Variants in ADAMTS6 observed in about 807,000 individuals in gnomAD.
ADAMTS6 encodes A disintegrin and metalloproteinase with thrombospondin motifs 6.
In ADAMTS6, 23 loss-of-function variants were observed where a neutral mutation model predicts 144.3. That is an observed-to-expected ratio of 0.16 (90% CI 0.11 to 0.23). The LOEUF (loss-of-function observed/expected upper bound fraction) is 0.23. Among genes scored for constraint, ADAMTS6 ranks in the 10% least tolerant of loss-of-function variants. ADAMTS6 has a pLI of 1.00. For synonymous variants in ADAMTS6, 444 were observed against 457.5 expected, an observed-to-expected ratio of 0.97 and a Z score of 0.38; for missense variants, 999 against 1,379.6, an observed-to-expected ratio of 0.72 and a Z score of 4.37.
At chr5:65,169,226 G>T (rs1753433469) in intron 24 of ADAMTS6, among the ~76,000 whole-genome samples, 1 of 56,600 alleles carries the variant, frequency 1.8e-5, no homozygotes, top group African/African-American at 1.1e-4. Context: ...GTGGGCAAAG[G>T]ACATGAACAG....
intron 7 of ADAMTS6, among the ~76,000 whole-genome samples, chr5:65,429,021 A>C (rs1374972981): frequency 2.0e-5 from 3 of 152,290 alleles, no homozygotes; most frequent in Non-Finnish European, 4.4e-5. Flanking sequence ...AATTGAGAAA[A>C]CTGCAGAAAC....
chr5:65,409,559 TA>T (rs759747598), intron 7 of ADAMTS6, among the ~76,000 whole-genome samples: 103 of 152,282 alleles, frequency 6.8e-4, no homozygotes, highest in Non-Finnish European at 1.0e-3. Flanking sequence ...AGCCGAATTC[TA>T]CCAGAGGTAC....
intron 3 of ADAMTS6, among the ~76,000 whole-genome samples, chr5:65,460,678 G>A (rs972226546): frequency 4.6e-5 from 7 of 152,162 alleles, no homozygotes; most frequent in Admixed American, 4.6e-4. Flanking sequence ...TATGTCCTCT[G>A]TGTTTAGATA....
chr5:65,218,787 T>C (rs911120232), intron 18 of ADAMTS6, among the ~76,000 whole-genome samples: 1 of 152,006 alleles, frequency 6.6e-6, no homozygotes, highest in African/African-American at 2.4e-5. Flanking sequence ...CCATATATTG[T>C]GGGATTTATA....
chr5:65,418,790 TG>T (rs1755768969), intron 7 of ADAMTS6, among the ~76,000 whole-genome samples: 1 of 151,924 alleles, frequency 6.6e-6, no homozygotes, highest in African/African-American at 2.4e-5. Context: ...AACAAACATA[TG>T]AAAAAATGCT....
intron 9 of ADAMTS6, among the ~76,000 whole-genome samples, chr5:65,323,760 C>T (rs964055423): frequency 3.9e-5 from 6 of 152,112 alleles, no homozygotes; most frequent in Non-Finnish European, 7.3e-5. Flanking sequence ...CCTATTTCTC[C>T]ACATCTTCTT....
At chr5:65,194,089 T>A (rs1755181343) in intron 21 of ADAMTS6, among the ~76,000 whole-genome samples, 1 of 152,188 alleles carries the variant, frequency 6.6e-6, no homozygotes. Context: ...AAAAAACCTA[T>A]CTGCTTTCTT....
chr5:65,317,639 A>G (rs1184939953), intron 9 of ADAMTS6, among the ~76,000 whole-genome samples: 2 of 152,238 alleles, frequency 1.3e-5, no homozygotes, highest in African/African-American at 4.8e-5. Flanking sequence ...GAACGGGAGA[A>G]AATATTTTCA....
chr5:65,405,864 C>A (rs1358102532), intron 7 of ADAMTS6, among the ~76,000 whole-genome samples: 2 of 152,138 alleles, frequency 1.3e-5, no homozygotes, highest in East Asian at 1.9e-4. Flanking sequence ...TCGTTCACAT[C>A]CCTTGTAAGT....
At chr5:65,400,538 T>C (rs967276273) in intron 7 of ADAMTS6, among the ~76,000 whole-genome samples, 2 of 152,180 alleles carry the variant, frequency 1.3e-5, no homozygotes, top group Non-Finnish European at 2.9e-5. Context: ...ATTCTGTGAT[T>C]TTCTGTAATT....
chr5:65,174,926 T>G (rs1167204708), intron 22 of ADAMTS6, among the ~76,000 whole-genome samples: 1 of 152,176 alleles, frequency 6.6e-6, no homozygotes, highest in African/African-American at 2.4e-5. Flanking sequence ...GGTGTTACTA[T>G]GACACCAGGA....
chr5:65,346,081 A>G (rs905785581), intron 7 of ADAMTS6, among the ~76,000 whole-genome samples: 2 of 151,890 alleles, frequency 1.3e-5, no homozygotes, highest in South Asian at 2.1e-4. Context: ...ATTTATACCA[A>G]TCCTTCTCAA....
chr5:65,277,610 TCC>T (rs1248109154), intron 11 of ADAMTS6, among the ~76,000 whole-genome samples: 1 of 152,098 alleles, frequency 6.6e-6, no homozygotes. Context: ...TAATGGACTG[TCC>T]TTATTTGTTA....
intron 10 of ADAMTS6, among the ~76,000 whole-genome samples, chr5:65,298,285 G>C (rs902425537): frequency 6.6e-6 from 1 of 151,922 alleles, no homozygotes; most frequent in Non-Finnish European, 1.5e-5. Flanking sequence ...AAAGAGAAAA[G>C]AAAATGGTAC....
intron 7 of ADAMTS6, among the ~76,000 whole-genome samples, chr5:65,347,834 C>G (rs150783611): frequency 6.6e-6 from 1 of 152,056 alleles, no homozygotes; most frequent in African/African-American, 2.4e-5. Context: ...AAAGAATCTT[C>G]TGATCCATAG....
chr5:65,364,564 CTTTT>C (rs1245835544), intron 7 of ADAMTS6, among the ~76,000 whole-genome samples: 3 of 117,848 alleles, frequency 2.5e-5, no homozygotes, highest in African/African-American at 9.7e-5. Context: ...GAATTTCTTT[CTTTT>C]TTTTTTTTTT....
intron 10 of ADAMTS6, among the ~76,000 whole-genome samples, chr5:65,298,528 A>G (rs919567511): frequency 2.0e-5 from 3 of 152,182 alleles, no homozygotes; most frequent in African/African-American, 7.2e-5. Flanking sequence ...CATTAAAACC[A>G]TCTTAGAAAA....
chr5:65,344,530 AG>A (rs1279712701), intron 7 of ADAMTS6, among the ~76,000 whole-genome samples: 2 of 151,942 alleles, frequency 1.3e-5, no homozygotes, highest in African/African-American at 4.8e-5. Flanking sequence ...GTATGGATGT[AG>A]AAAAGTGTAA....
chr5:65,315,409 A>G (rs1744891666), intron 9 of ADAMTS6, among the ~76,000 whole-genome samples: 1 of 152,146 alleles, frequency 6.6e-6, no homozygotes. Context: ...ATGCTCAGTT[A>G]AAACAAGAAA....
Sources: gnomAD v4.1 joint callset for allele counts (sites outside exome capture counted in the v4.1 genomes callset) on GRCh38, gnomAD v4.1.1 for gene constraint, MANE v1.5 for transcripts, NCBI Gene and HGNC (gene_info 2026-07-23, HGNC 2026-07-21) for gene names.